WNT9B: variants seen among roughly 807,000 people sequenced by gnomAD.
WNT9B encodes the protein Wnt family member 9B.
In WNT9B, 12 loss-of-function variants were observed where a neutral mutation model predicts 30.2. The ratio of observed to expected loss-of-function variants is 0.40; its 90% confidence interval spans 0.26 to 0.64. The LOEUF (loss-of-function observed/expected upper bound fraction) is 0.64. Ranked by LOEUF, WNT9B falls within the 30% of genes least tolerant of loss-of-function variation. The probability of loss-of-function intolerance (pLI) is 0.42; values close to 1 mark genes in which losing one functional copy is unlikely to be tolerated. For missense variants in WNT9B, 442 were observed against 485.2 expected, an observed-to-expected ratio of 0.91 and a Z score of 0.84; for synonymous variants, 218 against 216.9, an observed-to-expected ratio of 1.01 and a Z score of -0.05.
chr17:46,863,701 G>T (rs149127389), intron 1 of WNT9B, among the ~76,000 whole-genome samples: 5 of 152,192 alleles, frequency 3.3e-5, no homozygotes, highest in Non-Finnish European at 5.9e-5. Context: ...CTGGGAGAAG[G>T]TTACAGCATG....
rs773868000 is a variant in WNT9B, at chr17:46,876,225, C to G, written c.601-20C>G. On this transcript the variant is annotated intron_variant, in intron 3 of 3. Coordinates refer to ENST00000290015, the MANE Select transcript of WNT9B (RefSeq NM_003396.3). The stretch of plus-strand genomic sequence containing the variant: ...TGGGCCCAGGCCTCTGACCACGCCT[C>G]TGTTCTGCCTCCCCCACAGGCTGTG... 1.3e-6 allele frequency: 2 copies of G among 1,583,862 alleles called. No individual in the cohort carries two copies. Among genetic ancestry groups the G allele is most frequent in the African/African-American group, 1.3e-5 (1 of 74,514 alleles).
chr17:46,834,927 C>G (rs983165638), intron 1 of WNT9B, among the ~76,000 whole-genome samples: 4 of 152,178 alleles, frequency 2.6e-5, no homozygotes, highest in African/African-American at 9.7e-5. Flanking sequence ...TGTCAGTGTT[C>G]CTCCCCCAGG....
chr17:46,839,912 TTTTCTTTCTTTC>T (rs10635916), intron 1 of WNT9B, among the ~76,000 whole-genome samples: 10,317 of 113,336 alleles, frequency 0.091, 517 homozygotes, highest in Admixed American at 0.11. Context: ...ACATTTTCTC[TTTTCTTTCTTTC>T]TTTCTTTCTT....
At chr17:46,844,900 T>A (rs1190449350) in intron 1 of WNT9B, among the ~76,000 whole-genome samples, 1 of 151,984 alleles carries the variant, frequency 6.6e-6, no homozygotes, top group East Asian at 1.9e-4. Context: ...AGGGCTGGAG[T>A]GCAATGGTGG....
chr17:46,880,014 GC>G lies in WNT9B; in HGVS notation c.*3297del, dbSNP rs2085402896. Reference sequence around the variant, plus strand: ...TTTTGATTGCTCTCATTTGTGTTTTGCTTGTAAAAATGAATTGTTTTCCACT... The same window carrying G: ...TTTTGATTGCTCTCATTTGTGTTTTGTTGTAAAAATGAATTGTTTTCCACT... On this transcript the variant is annotated 3_prime_UTR_variant, in exon 4 of 4. Transcript: ENST00000290015. Among the ~76,000 whole-genome samples the G allele has an allele frequency of 6.6e-6, 1 of 152,190 alleles. No individual in the cohort carries two copies. Among genetic ancestry groups the G allele is most frequent in the African/African-American group, 2.4e-5 (1 of 41,452 alleles).
chr17:46,862,997 G>A (rs1172018082), intron 1 of WNT9B, among the ~76,000 whole-genome samples: 1 of 152,220 alleles, frequency 6.6e-6, no homozygotes, highest in African/African-American at 2.4e-5. Flanking sequence ...CAGAGGGAAC[G>A]GGCCTGGCTC....
At chr17:46,864,284 A>G (rs957328897) in intron 1 of WNT9B, among the ~76,000 whole-genome samples, 1 of 152,166 alleles carries the variant, frequency 6.6e-6, no homozygotes, top group Non-Finnish European at 1.5e-5. Context: ...GGTTTCAGCC[A>G]TGATTTGCCT....
At chr17:46,839,523 T>TAC in intron 1 of WNT9B, among the ~76,000 whole-genome samples, 1 of 150,834 alleles carries the variant, frequency 6.6e-6, no homozygotes, top group Non-Finnish European at 1.5e-5. Context: ...GTAAATTCTT[T>TAC]ATATATATAT....
At chr17:46,848,288 T>C (rs975915219), upstream of WNT9B, among the ~76,000 whole-genome samples, 2 of 152,160 alleles carry the variant, frequency 1.3e-5, no homozygotes, top group Non-Finnish European at 2.9e-5. Flanking sequence ...TCACCACACA[T>C]GTGTTTGTAT....
chr17:46,849,849 C>CTTTTTTTTTT (rs761797393), upstream of WNT9B, among the ~76,000 whole-genome samples: 2 of 145,750 alleles, frequency 1.4e-5, no homozygotes, highest in Non-Finnish European at 1.5e-5. Context: ...CATTTAATAT[C>CTTTTTTTTTT]TTTTTTTTTT....
intron 1 of WNT9B, among the ~76,000 whole-genome samples, chr17:46,859,420 T>A (rs2084996652): frequency 6.6e-6 from 1 of 152,270 alleles, no homozygotes; most frequent in Non-Finnish European, 1.5e-5. Flanking sequence ...TTTTCTCCAC[T>A]GTCATCTTTG....
chr17:46,874,854 G>C (rs2085316932), intron 2 of WNT9B: 1 of 628,762 alleles, frequency 1.6e-6, no homozygotes, highest in Admixed American at 2.6e-5. Context: ...CTGGGATTAG[G>C]GGCACGAGCC....
intron 1 of WNT9B, among the ~76,000 whole-genome samples, chr17:46,840,764 A>AT (rs540097838): frequency 6.6e-6 from 1 of 152,082 alleles, no homozygotes; most frequent in African/African-American, 2.4e-5. Flanking sequence ...GATGATGAGC[A>AT]TTTTTTCATG....
chr17:46,842,669 T>C (rs1452772068), intron 1 of WNT9B, among the ~76,000 whole-genome samples: 3 of 152,180 alleles, frequency 2.0e-5, no homozygotes, highest in Non-Finnish European at 2.9e-5. Context: ...CACCGTACCC[T>C]GCTTTAAACT....
chr17:46,858,157 T>A (rs554145210), intron 1 of WNT9B, among the ~76,000 whole-genome samples: 14 of 152,356 alleles, frequency 9.2e-5, no homozygotes, highest in African/African-American at 3.4e-4. Flanking sequence ...CTTGAACTCC[T>A]GACCTCATGT....
Position 46,876,747 on chromosome 17 carries a change from C to T in WNT9B, c.*29C>T, listed in dbSNP as rs1478449510. On this transcript the variant is annotated 3_prime_UTR_variant, in exon 4 of 4. Transcript: ENST00000290015. ...TACTGCCCAGCAAGCCAGTCTGGCA[C>T]TGCCAGGACCTCCTGTGGCACCCTT... 1.3e-5 allele frequency: 20 copies of T among 1,511,912 alleles called. No individual in the cohort carries two copies. In the African/African-American group the frequency reaches 2.8e-4, roughly 21 times the overall value. The allele number at this position is 1,511,912 out of a possible 1,614,324, so 93.7% of individuals were successfully genotyped here. A position where few individuals can be genotyped will look rare whatever the true frequency, so the allele number is the denominator to read the frequency against.
At chr17:46,838,097 C>T (rs2084654903) in intron 1 of WNT9B, among the ~76,000 whole-genome samples, 1 of 152,120 alleles carries the variant, frequency 6.6e-6, no homozygotes, top group African/African-American at 2.4e-5. Context: ...GCCCCCTCTT[C>T]ACTTCTCCCA....
At chr17:46,871,659 A>AG (rs1765620253) in intron 1 of WNT9B, among the ~76,000 whole-genome samples, 1 of 152,218 alleles carries the variant, frequency 6.6e-6, no homozygotes, top group Non-Finnish European at 1.5e-5. Flanking sequence ...AGTTTCCAGA[A>AG]GGGAAAAAAC....
chr17:46,851,583 A>C lies in WNT9B; in HGVS notation c.-56A>C. The stretch of plus-strand genomic sequence containing the variant: ...AAGTCCCGCGGGCGGGTGGTGGCGG[A>C]GCTGCGAGCTTGAGCGGCGCGAGGA... On this transcript the variant is annotated 5_prime_UTR_variant, in exon 1 of 4. Transcript: ENST00000290015. The surrounding 1 kb of genome is among the most constrained non-coding windows in gnomAD (Gnocchi z 4.3). The C allele has an allele frequency of 1.0e-6, 1 of 996,268 alleles. No homozygotes were observed. The highest frequency in any genetic ancestry group is 1.3e-6 in the Non-Finnish European group (1 of 774,466). The allele number at this position is 996,268 out of a possible 1,614,324, so 61.7% of individuals were successfully genotyped here. A position where few individuals can be genotyped will look rare whatever the true frequency, so the allele number is the denominator to read the frequency against.
Sources: allele counts gnomAD v4.1 joint callset (sites outside exome capture counted in the v4.1 genomes callset), GRCh38; gene constraint gnomAD v4.1.1; non-coding constraint Gnocchi (gnomAD v3.1); transcripts MANE v1.5; gene names NCBI Gene and HGNC (gene_info 2026-07-23, HGNC 2026-07-21).